Variants in RARB observed in about 807,000 individuals in gnomAD.
RARB encodes HBV-activated protein.
Under a neutral mutation model 51.9 loss-of-function variants are expected in RARB, and 17 were observed. The observed-to-expected ratio is 0.33, with a 90% CI of 0.22 to 0.49. RARB has a LOEUF of 0.49. Ranked by LOEUF, RARB falls within the 20% of genes least tolerant of loss-of-function variation. The pLI, the probability that RARB is intolerant of heterozygous loss-of-function variation, is 0.99. For missense variants in RARB, 369 were observed against 550.8 expected (o/e 0.67, Z 3.30); for synonymous variants, 215 against 195.4 (o/e 1.10, Z -0.84).
At chr3:25,026,382 C>A (rs983584808) in intron 2 of RARB, among the ~76,000 whole-genome samples, 1 of 152,178 alleles carries the variant, frequency 6.6e-6, no homozygotes, top group African/African-American at 2.4e-5. Context: ...GGGCTACAAG[C>A]CCAAGATCAA....
At chr3:25,144,113 C>G (rs1700151628) in intron 4 of RARB, among the ~76,000 whole-genome samples, 1 of 152,158 alleles carries the variant, frequency 6.6e-6, no homozygotes, top group South Asian at 2.1e-4. Context: ...TTCATACATT[C>G]AACAGAATTT....
intron 5 of RARB, among the ~76,000 whole-genome samples, chr3:25,410,307 A>T (rs964541196): frequency 1.3e-5 from 2 of 152,214 alleles, no homozygotes; most frequent in Admixed American, 1.3e-4. Flanking sequence ...TGCTGCCTTT[A>T]AACCATATCA....
intron 2 of RARB, among the ~76,000 whole-genome samples, chr3:24,929,419 G>A (rs1014380167): frequency 2.6e-5 from 4 of 152,060 alleles, no homozygotes; most frequent in Non-Finnish European, 4.4e-5. Flanking sequence ...ATAAAGATGC[G>A]TTTTAAGGGG....
At chr3:25,275,315 G>T (rs1416584698) in intron 5 of RARB, among the ~76,000 whole-genome samples, 1 of 152,126 alleles carries the variant, frequency 6.6e-6, no homozygotes, top group East Asian at 1.9e-4. Flanking sequence ...ACAAAAATTA[G>T]CTAGGCATAG....
At chr3:25,061,333 T>G (rs140111060) in intron 3 of RARB, among the ~76,000 whole-genome samples, 5 of 151,998 alleles carry the variant, frequency 3.3e-5, no homozygotes, top group Non-Finnish European at 7.4e-5. Context: ...AAGGAATTGA[T>G]GTGATGCTGC....
intron 1 of RARB, among the ~76,000 whole-genome samples, chr3:25,448,301 T>G (rs950177746): frequency 1.3e-5 from 2 of 152,200 alleles, no homozygotes; most frequent in Non-Finnish European, 2.9e-5. Context: ...TTTGAATTAT[T>G]TTTTCAAGAT....
intron 3 of RARB, among the ~76,000 whole-genome samples, chr3:25,515,824 G>C (rs1698136621): frequency 6.6e-6 from 1 of 152,144 alleles, no homozygotes; most frequent in Admixed American, 6.5e-5. Context: ...ACTTTAATCT[G>C]ATATGTACAT....
chr3:25,197,751 T>A (rs527336163), intron 5 of RARB, among the ~76,000 whole-genome samples: 100 of 151,620 alleles, frequency 6.6e-4, no homozygotes, highest in Admixed American at 1.1e-3. Context: ...TCTCTACAAT[T>A]AAAAAAATGG....
intron 5 of RARB, among the ~76,000 whole-genome samples, chr3:25,343,493 T>C (rs1362816440): frequency 6.6e-6 from 1 of 151,792 alleles, no homozygotes; most frequent in Non-Finnish European, 1.5e-5. Flanking sequence ...ATATTTTGAA[T>C]AGAACATGAA....
chr3:25,055,755 G>C (rs1279963513), intron 2 of RARB, among the ~76,000 whole-genome samples: 1 of 152,052 alleles, frequency 6.6e-6, no homozygotes, highest in African/African-American at 2.4e-5. Context: ...TCTGGAATTA[G>C]GGTAGGGCAT....
At chr3:24,906,867 C>CAAAAAAAAAAAAAAAAAAAAAAAAAA (rs1339479555) in intron 2 of RARB, among the ~76,000 whole-genome samples, 1 of 116,390 alleles carries the variant, frequency 8.6e-6, no homozygotes, top group African/African-American at 3.2e-5. Context: ...AAAAAAAAAG[C>CAAAAAAAAAAAAAAAAAAAAAAAAAA]AAAAAAACCC....
At chr3:24,855,765 T>TTTTTTA (rs1466984180) in intron 1 of RARB, among the ~76,000 whole-genome samples, 1 of 130,628 alleles carries the variant, frequency 7.7e-6, no homozygotes, top group African/African-American at 2.6e-5. Flanking sequence ...TTTTTTTTTT[T>TTTTTTA]GAGACAGAGT....
intron 4 of RARB, among the ~76,000 whole-genome samples, chr3:25,133,289 A>G (rs557572408): frequency 1.4e-4 from 21 of 152,030 alleles, no homozygotes; most frequent in African/African-American, 4.3e-4. Context: ...TATTTTCCCT[A>G]AGAGTAGCAT....
chr3:24,830,344 G>C (rs1371543571), intron 1 of RARB, among the ~76,000 whole-genome samples: 1 of 150,712 alleles, frequency 6.6e-6, no homozygotes, highest in Non-Finnish European at 1.5e-5. Context: ...CCCGGAGGTG[G>C]GGGTGGGGGT....
intron 5 of RARB, among the ~76,000 whole-genome samples, chr3:25,229,804 C>A (rs898617592): frequency 7.3e-5 from 11 of 149,948 alleles, no homozygotes; most frequent in Non-Finnish European, 1.3e-4. Context: ...CGTGTTCCTT[C>A]TTAATGGCTT....
At chr3:25,476,120 A>T (rs1356112705) in intron 2 of RARB, among the ~76,000 whole-genome samples, 2 of 152,168 alleles carry the variant, frequency 1.3e-5, no homozygotes, top group Non-Finnish European at 2.9e-5. Flanking sequence ...TCTCAAACAC[A>T]TCATTTCCAC....
intron 5 of RARB, among the ~76,000 whole-genome samples, chr3:25,342,795 G>A (rs1009871451): frequency 1.6e-4 from 25 of 152,070 alleles, no homozygotes; most frequent in Middle Eastern, 3.2e-3. Flanking sequence ...AAACAGAGAC[G>A]GTAGGTAGCA....
intron 2 of RARB, among the ~76,000 whole-genome samples, chr3:24,999,333 T>C (rs1351904762): frequency 6.6e-6 from 1 of 152,148 alleles, no homozygotes; most frequent in Non-Finnish European, 1.5e-5. Context: ...TACTTTGGTG[T>C]AAAAGTGACC....
intron 5 of RARB, among the ~76,000 whole-genome samples, chr3:25,244,407 G>T (rs1432021629): frequency 6.6e-6 from 1 of 151,848 alleles, no homozygotes; most frequent in African/African-American, 2.4e-5. Context: ...TGATGTTAGG[G>T]TGTCAATTTT....
Sources: gnomAD v4.1 joint callset for allele counts (sites outside exome capture counted in the v4.1 genomes callset) on GRCh38, gnomAD v4.1.1 for gene constraint, MANE v1.5 for transcripts, NCBI Gene and HGNC (gene_info 2026-07-23, HGNC 2026-07-21) for gene names.